The following DISP1 variants were observed in gnomAD, a reference collection of about 807,000 sequenced individuals.
DISP1 encodes protein dispatched homolog 1.
Under a neutral mutation model 37.3 loss-of-function variants are expected in DISP1, and 30 were observed. That is an observed-to-expected ratio of 0.80 (90% confidence interval 0.60 to 1.09). DISP1 has a LOEUF of 1.09. Among genes scored for constraint, DISP1 ranks in the 50% least tolerant of loss-of-function variants. DISP1 has a pLI of 0.00. For synonymous variants in DISP1, 634 were observed against 690.2 expected (o/e 0.92, Z 1.28); for missense variants, 1,598 against 1,879.5 (o/e 0.85, Z 2.77).
chr1:222,861,285 C>G (rs1394849177), intron 1 of DISP1, among the ~76,000 whole-genome samples: 3 of 152,166 alleles, frequency 2.0e-5, no homozygotes, highest in Non-Finnish European at 4.4e-5. Flanking sequence ...TTTTAAGTCA[C>G]TTGTGGTTAC....
chr1:222,821,828 A>C (rs1219566748), intron 1 of DISP1, among the ~76,000 whole-genome samples: 1 of 147,200 alleles, frequency 6.8e-6, no homozygotes, highest in Non-Finnish European at 1.5e-5. Flanking sequence ...GCAGTGAGCC[A>C]GGCTCGTGCC....
At chr1:222,825,353 C>T (rs1458347666) in intron 1 of DISP1, among the ~76,000 whole-genome samples, 2 of 151,866 alleles carry the variant, frequency 1.3e-5, no homozygotes, top group African/African-American at 4.8e-5. Context: ...ATGTTGTATA[C>T]CATAAATATA....
Position 223,004,936 on chromosome 1 carries a change from C to T in DISP1, c.3539C>T (p.Pro1180Leu). The T allele has an allele frequency of 6.2e-7, 1 of 1,612,980 alleles. No homozygotes were observed. Among genetic ancestry groups the T allele is most frequent in the South Asian group, 1.1e-5 (1 of 91,080 alleles). ...ACCATAAATGCTTATCATTTAGATCCCAGGGGCCCAAAATCTGAACTGGAG... is the reference window on the plus strand; with the variant it reads ...ACCATAAATGCTTATCATTTAGATCTCAGGGGCCCAAAATCTGAACTGGAG... The part of the protein sequence containing the change: ...THTINAYHLD[P>L]RGPKSELEHE... The change falls in exon 9 of 9, where the codon CCC becomes CTC. Residue 1180 changes from proline to leucine, a missense_variant. Pro to Leu is a moderately conservative substitution (Grantham distance 98). Coordinates refer to ENST00000675850, the MANE Select transcript of DISP1 (RefSeq NM_001377229.1). The surrounding 1 kb of genome is among the most constrained non-coding windows in gnomAD (Gnocchi z 4.9).
At chr1:222,948,056 G>A (rs1385550786) in intron 3 of DISP1, among the ~76,000 whole-genome samples, 2 of 152,202 alleles carry the variant, frequency 1.3e-5, no homozygotes, top group Non-Finnish European at 2.9e-5. Flanking sequence ...TTGAGCAACT[G>A]GTTGGGTAGA....
At chr1:222,913,105 G>A (rs906027893) in intron 1 of DISP1, among the ~76,000 whole-genome samples, 4 of 152,172 alleles carry the variant, frequency 2.6e-5, no homozygotes, top group Admixed American at 6.5e-5. Flanking sequence ...AAAAAAAATA[G>A]TGACTGGAAC....
intron 1 of DISP1, among the ~76,000 whole-genome samples, chr1:222,831,815 G>C (rs914964476): frequency 1.3e-5 from 2 of 152,166 alleles, no homozygotes; most frequent in Non-Finnish European, 2.9e-5. Flanking sequence ...ACATTTTAGA[G>C]AGTAGGAAAA....
intron 2 of DISP1, among the ~76,000 whole-genome samples, chr1:222,932,923 T>C (rs1335690032): frequency 2.6e-5 from 4 of 151,918 alleles, no homozygotes; most frequent in African/African-American, 7.2e-5. Flanking sequence ...TTACCTGAGA[T>C]TGAAAGAGAT....
intron 1 of DISP1, among the ~76,000 whole-genome samples, chr1:222,875,347 C>T (rs1320575126): frequency 6.6e-6 from 1 of 151,658 alleles, no homozygotes; most frequent in African/African-American, 2.4e-5. Flanking sequence ...TTAAATATCC[C>T]CTATTCAGTT....
intron 1 of DISP1, among the ~76,000 whole-genome samples, chr1:222,884,014 T>C (rs567414186): frequency 1.3e-5 from 2 of 152,276 alleles, no homozygotes; most frequent in East Asian, 3.9e-4. Flanking sequence ...AGAGTGCCTG[T>C]CCTATAATTG....
At chr1:222,991,478 T>C (rs1678688621) in intron 5 of DISP1, 42 bp from the exon 6 acceptor site, 1 of 1,612,476 alleles carries the variant, frequency 6.2e-7, no homozygotes, top group Non-Finnish European at 8.5e-7. Flanking sequence ...GTACTTAGCC[T>C]GAAATGAAAT....
chr1:222,869,965 G>A (rs1376947480), intron 1 of DISP1, among the ~76,000 whole-genome samples: 1 of 151,494 alleles, frequency 6.6e-6, no homozygotes, highest in East Asian at 1.9e-4. Context: ...ACAGTCCCCA[G>A]TGTGTGATGT....
intron 2 of DISP1, among the ~76,000 whole-genome samples, chr1:222,933,757 GT>G (rs1673542971): frequency 6.6e-6 from 1 of 151,922 alleles, no homozygotes; most frequent in African/African-American, 2.4e-5. Context: ...ATAGTAGAAA[GT>G]TTACAAACTT....
chr1:222,912,161 T>C (rs1469045942), intron 1 of DISP1, among the ~76,000 whole-genome samples: 1 of 152,108 alleles, frequency 6.6e-6, no homozygotes, highest in Non-Finnish European at 1.5e-5. Context: ...TCCAGAATTA[T>C]AATGAATCTT....
chr1:222,992,165 T>C (rs766795678), intron 7 of DISP1, 55 bp downstream of exon 7: 66 of 1,356,508 alleles, frequency 4.9e-5, no homozygotes, highest in Non-Finnish European at 6.5e-5. Context: ...CATTTAAAAT[T>C]GAACATGATC....
At chr1:222,925,753 A>G (rs1028435043) in intron 1 of DISP1, among the ~76,000 whole-genome samples, 7 of 152,140 alleles carry the variant, frequency 4.6e-5, no homozygotes, top group African/African-American at 9.7e-5. Context: ...GACTTACTAG[A>G]AAAGCAAATT....
rs115235306 is a variant in DISP1, at chr1:222,858,916, C to A, written c.-159+43838C>A. 9.1e-3 allele frequency among the ~76,000 whole-genome samples: 1,391 copies of A among 152,262 alleles called. 18 individuals carry two copies. Among genetic ancestry groups the A allele is most frequent in the African/African-American group, 0.032 (1,340 of 41,534 alleles). ...AAATTAATTCAACCATTGTGGAAAA[C>A]AGTGTGATGATTCCTCAGAGATCTA... On this transcript the variant is annotated intron_variant, in intron 1 of 8. Coordinates refer to ENST00000675850, the MANE Select transcript of DISP1 (RefSeq NM_001377229.1).
At chr1:222,941,354 A>AT (rs1335036210) in intron 2 of DISP1, among the ~76,000 whole-genome samples, 5 of 152,228 alleles carry the variant, frequency 3.3e-5, no homozygotes, top group Non-Finnish European at 7.3e-5. Context: ...CTCAATGGTC[A>AT]TTGTAAAAGG....
chr1:222,955,422 G>A (rs1353064869), intron 3 of DISP1, among the ~76,000 whole-genome samples: 2 of 152,050 alleles, frequency 1.3e-5, no homozygotes, highest in South Asian at 2.1e-4. Flanking sequence ...TGCAACTTAG[G>A]GTTTGAGTTA....
At chr1:222,843,360 AT>A (rs905634377) in intron 1 of DISP1, among the ~76,000 whole-genome samples, 3 of 151,934 alleles carry the variant, frequency 2.0e-5, no homozygotes, top group South Asian at 2.1e-4. Context: ...TATTTAAAAT[AT>A]TTTTTTCAAA....
Sources: allele counts gnomAD v4.1 joint callset (sites outside exome capture counted in the v4.1 genomes callset), GRCh38; gene constraint gnomAD v4.1.1; non-coding constraint Gnocchi (gnomAD v3.1); transcripts MANE v1.5; gene names NCBI Gene and HGNC (gene_info 2026-07-23, HGNC 2026-07-21).